GRM5: variants seen among roughly 807,000 people sequenced by gnomAD.
The protein encoded by GRM5 is glutamate metabotropic receptor 5, also known as metabotropic glutamate receptor 5.
A neutral mutation model predicts 83.1 loss-of-function variants in GRM5; 19 were observed. The ratio of observed to expected loss-of-function variants is 0.23; its 90% CI spans 0.16 to 0.34. The LOEUF (loss-of-function observed/expected upper bound fraction) is 0.34, where lower values mean the gene tolerates loss of function less well. Ranked by LOEUF, GRM5 falls within the 10% of genes least tolerant of loss-of-function variation. GRM5 has a pLI of 1.00. For synonymous variants in GRM5, 675 were observed against 633.6 expected, an observed-to-expected ratio of 1.07 and a Z score of -0.98; for missense variants, 1,160 against 1,588.3, an observed-to-expected ratio of 0.73 and a Z score of 4.58.
intron 2 of GRM5, among the ~76,000 whole-genome samples, chr11:88,908,912 C>T (rs1267276451): frequency 6.6e-6 from 1 of 151,984 alleles, no homozygotes; most frequent in African/African-American, 2.4e-5. Context: ...GCAAGGAAAC[C>T]TGTTATTCTA....
intron 4 of GRM5, among the ~76,000 whole-genome samples, chr11:88,619,113 A>G (rs1938564767): frequency 6.6e-6 from 1 of 152,196 alleles, no homozygotes; most frequent in African/African-American, 2.4e-5. Context: ...CAACTCTCCA[A>G]TCTGTGATTA....
chr11:88,846,891 T>C (rs1159907643), intron 3 of GRM5, among the ~76,000 whole-genome samples: 1 of 152,132 alleles, frequency 6.6e-6, no homozygotes, highest in Non-Finnish European at 1.5e-5. Flanking sequence ...ATTTGAATTA[T>C]CTAAAATTTT....
intron 3 of GRM5, among the ~76,000 whole-genome samples, chr11:88,801,787 TAAGTTTG>T (rs144308023): frequency 0.031 from 4,725 of 152,158 alleles, 207 homozygotes; most frequent in African/African-American, 0.095. Context: ...TTTCTCCAAT[TAAGTTTG>T]AATTTCAATT....
At chr11:88,828,766 C>T (rs1369999889) in intron 3 of GRM5, among the ~76,000 whole-genome samples, 1 of 151,908 alleles carries the variant, frequency 6.6e-6, no homozygotes, top group East Asian at 1.9e-4. Flanking sequence ...GAGAAAACTA[C>T]AAATATTAAA....
intron 4 of GRM5, among the ~76,000 whole-genome samples, chr11:88,629,597 A>G (rs1938906159): frequency 2.0e-5 from 3 of 151,954 alleles, no homozygotes; most frequent in Non-Finnish European, 4.4e-5. Flanking sequence ...TCCTCAGGCT[A>G]TTCTCTCTAC....
At chr11:88,943,128 T>C (rs1938167454) in intron 2 of GRM5, among the ~76,000 whole-genome samples, 1 of 152,112 alleles carries the variant, frequency 6.6e-6, no homozygotes, top group African/African-American at 2.4e-5. Flanking sequence ...CAGGGCTTCA[T>C]ATAGGTGTCG....
chr11:88,890,160 C>T (rs1431865132), intron 2 of GRM5, among the ~76,000 whole-genome samples: 1 of 151,628 alleles, frequency 6.6e-6, no homozygotes, highest in Non-Finnish European at 1.5e-5. Flanking sequence ...AGATGATACT[C>T]CCATGGGGGA....
chr11:88,909,053 T>A (rs1377865994), intron 2 of GRM5, among the ~76,000 whole-genome samples: 1 of 152,062 alleles, frequency 6.6e-6, no homozygotes, highest in Non-Finnish European at 1.5e-5. Context: ...GAGTCCAAAT[T>A]TATATATTGT....
intron 2 of GRM5, among the ~76,000 whole-genome samples, chr11:88,865,360 C>A (rs2135555269): frequency 6.6e-6 from 1 of 152,156 alleles, no homozygotes; most frequent in South Asian, 2.1e-4. Flanking sequence ...TAGCCTTATG[C>A]AGAAAACGAA....
intron 2 of GRM5, among the ~76,000 whole-genome samples, chr11:88,939,954 TA>T (rs1044027257): frequency 1.3e-5 from 2 of 151,858 alleles, no homozygotes; most frequent in Non-Finnish European, 1.5e-5. Flanking sequence ...GATCAAAGTA[TA>T]TAACATGAAG....
intron 2 of GRM5, among the ~76,000 whole-genome samples, chr11:88,990,859 A>T (rs1483799249): frequency 6.6e-6 from 1 of 151,912 alleles, no homozygotes; most frequent in Non-Finnish European, 1.5e-5. Context: ...GATGGGACAT[A>T]TTTCAAAATA....
At chr11:88,685,947 G>T (rs1156274154) in intron 3 of GRM5, among the ~76,000 whole-genome samples, 1 of 152,182 alleles carries the variant, frequency 6.6e-6, no homozygotes, top group African/African-American at 2.4e-5. Flanking sequence ...AGAAATTTGG[G>T]GTTGGAGCCC....
chr11:88,851,248 C>G (rs1458220694), intron 2 of GRM5, among the ~76,000 whole-genome samples: 1 of 152,172 alleles, frequency 6.6e-6, no homozygotes, highest in East Asian at 1.9e-4. Context: ...GGCTCATATT[C>G]TGAATTTTCA....
At chr11:89,008,965 A>G in intron 2 of GRM5, 2 of 589,216 alleles carry the variant, frequency 3.4e-6, no homozygotes, top group East Asian at 5.7e-5. Flanking sequence ...AACATAACTG[A>G]CAAGTGATAA....
At chr11:88,593,937 G>T (rs1937723344) in intron 6 of GRM5, among the ~76,000 whole-genome samples, 1 of 151,690 alleles carries the variant, frequency 6.6e-6, no homozygotes, top group African/African-American at 2.4e-5. Flanking sequence ...GGGACTACAG[G>T]CGCCTGCCAA....
intron 3 of GRM5, among the ~76,000 whole-genome samples, chr11:88,725,591 G>GAGACACCTCCCATCAGGGATCGAC (rs1941658757): frequency 2.0e-5 from 3 of 152,158 alleles, no homozygotes; most frequent in Non-Finnish European, 2.9e-5. Flanking sequence ...TCTGGACTGG[G>GAGACACCTCCCATCAGGGATCGAC]AGACACCTCC....
chr11:88,985,009 C>A (rs1460824418), intron 2 of GRM5: 10 of 498,472 alleles, frequency 2.0e-5, no homozygotes, highest in Middle Eastern at 3.9e-4. Context: ...TTACTCCATT[C>A]CACTTAATCA....
intron 2 of GRM5, among the ~76,000 whole-genome samples, chr11:88,967,651 T>C (rs1369361890): frequency 6.6e-6 from 1 of 152,122 alleles, no homozygotes; most frequent in Non-Finnish European, 1.5e-5. Flanking sequence ...GTCCTACCTA[T>C]CAACACTCTT....
chr11:88,556,484 C>T (rs1013295606), intron 8 of GRM5, among the ~76,000 whole-genome samples: 10 of 151,660 alleles, frequency 6.6e-5, no homozygotes, highest in Admixed American at 1.3e-4. Context: ...CATCATGCCC[C>T]GCTAATTTTT....
Sources: gnomAD v4.1 joint callset for allele counts (sites outside exome capture counted in the v4.1 genomes callset) on GRCh38, gnomAD v4.1.1 for gene constraint, MANE v1.5 for transcripts, NCBI Gene and HGNC (gene_info 2026-07-23, HGNC 2026-07-21) for gene names.